The following PRSS23 variants were observed in gnomAD, a reference collection of about 807,000 sequenced individuals.
PRSS23 encodes the protein protease, serine 23.
In PRSS23, 25 loss-of-function variants were observed where a neutral mutation model predicts 34.7. The ratio of observed to expected loss-of-function variants is 0.72; its 90% CI spans 0.53 to 1.01. PRSS23 has a LOEUF of 1.01. PRSS23 is among the 50% of genes least tolerant of loss of function. PRSS23 has a pLI of 0.00. For synonymous variants in PRSS23, 176 were observed against 186.6 expected (o/e 0.94, Z 0.46); for missense variants, 445 against 475.6 (o/e 0.94, Z 0.60).
At chr11:86,847,414 G>T (rs971276184) in intron 2 of PRSS23, among the ~76,000 whole-genome samples, 2 of 152,220 alleles carry the variant, frequency 1.3e-5, no homozygotes, top group Non-Finnish European at 2.9e-5. Flanking sequence ...GTCAATGGGT[G>T]CATGGCAGGG....
At chr11:86,873,480 C>T (rs1948701674) in intron 2 of PRSS23, among the ~76,000 whole-genome samples, 1 of 151,428 alleles carries the variant, frequency 6.6e-6, no homozygotes, top group Non-Finnish European at 1.5e-5. Flanking sequence ...TCGGGGTTTT[C>T]CTATGTTGGC....
chr11:86,934,683 C>T (rs909597646), intron 2 of PRSS23: 2 of 152,210 alleles, frequency 1.3e-5, no homozygotes, highest in African/African-American at 4.8e-5. Context: ...AGGATGCCTT[C>T]AAGTTTTTGT....
intron 2 of PRSS23, among the ~76,000 whole-genome samples, chr11:86,918,833 C>T (rs139365689): frequency 8.5e-5 from 13 of 152,164 alleles, no homozygotes; most frequent in Non-Finnish European, 1.5e-4. Flanking sequence ...TTGTAATGAG[C>T]GCATATTAAT....
At chr11:86,868,272 T>C (rs550218295) in intron 2 of PRSS23, among the ~76,000 whole-genome samples, 3 of 152,148 alleles carry the variant, frequency 2.0e-5, no homozygotes, top group African/African-American at 4.8e-5. Flanking sequence ...CATGAGACTT[T>C]GGTGGGTTCC....
intron 2 of PRSS23, chr11:86,935,618 CA>C (rs1386496267): frequency 1.3e-5 from 2 of 152,150 alleles, no homozygotes; most frequent in African/African-American, 4.8e-5. Flanking sequence ...ACTGTTACCC[CA>C]AATGTTGTAA....
At chr11:86,871,554 T>C (rs923863252) in intron 2 of PRSS23, among the ~76,000 whole-genome samples, 1 of 152,234 alleles carries the variant, frequency 6.6e-6, no homozygotes, top group Non-Finnish European at 1.5e-5. Flanking sequence ...CCAAACTCTA[T>C]TTCTATTTCT....
rs138616419 is a variant in PRSS23 at position 86,844,705 on chromosome 11, C to T, written c.206+21112C>T. On this transcript the variant is annotated intron_variant, in intron 2 of 2. Transcript: ENST00000533902. ...CTAATCAATAGAATCATAGGACCCA[C>T]GTCATGACATAGAAACAAACAAGTG... 9.9e-5 allele frequency among the ~76,000 whole-genome samples: 15 copies of T among 152,278 alleles called. No homozygotes were observed. In the East Asian group the frequency reaches 2.3e-3, roughly 24 times the overall value.
At position 86,833,298 on chromosome 11, in the gene PRSS23, G is replaced by A. The variant is rs902181545; in HGVS notation, c.206+9705G>A. The A allele has an allele frequency of 1.1e-5, 17 of 1,505,364 alleles. No homozygotes were observed. In the African/African-American group the frequency reaches 1.7e-4, roughly 15 times the overall value. 93.3% of individuals were successfully genotyped at this position (1,505,364 alleles called of 1,614,324 possible). A position where few individuals can be genotyped will look rare whatever the true frequency, so the allele number is the denominator to read the frequency against. On this transcript the variant is annotated intron_variant, in intron 2 of 2. Coordinates refer to the PRSS23 transcript ENST00000533902. ...GGAAGAAGTACATGGGGGTGTGGAG[G>A]TGGAAGTCAGAGCTGACGGCCAGGA...
intron 2 of PRSS23, among the ~76,000 whole-genome samples, chr11:86,850,931 T>G (rs1948524185): frequency 1.3e-5 from 2 of 152,206 alleles, no homozygotes; most frequent in African/African-American, 4.8e-5. Context: ...TTAAAGAGTT[T>G]GAAAGGCAAT....
chr11:86,862,064 G>T (rs1298554569), intron 2 of PRSS23, among the ~76,000 whole-genome samples: 1 of 151,908 alleles, frequency 6.6e-6, no homozygotes, highest in Non-Finnish European at 1.5e-5. Context: ...ACATCTGGAA[G>T]GGAGAGGATA....
At chr11:86,795,355 T>G (rs1411770573) in intron 1 of PRSS23, among the ~76,000 whole-genome samples, 1 of 152,244 alleles carries the variant, frequency 6.6e-6, no homozygotes, top group Non-Finnish European at 1.5e-5. Context: ...TCAGTCTCAT[T>G]GTGCAGATGA....
At position 86,807,943 on chromosome 11, in the gene PRSS23, G is replaced by C. The variant is rs779361467; in HGVS notation, c.300G>C (p.Gln100His). ...CCAATGGCAGCCGCACAGAGACGCA[G>C]GTGGGCATCTACATCCTCAGCAGTA... ...LYANGSRTET[Q>H]VGIYILSSSG... The change falls in exon 2 of 2, where the codon CAG becomes CAC. Residue 100 changes from glutamine to histidine, a missense_variant. Physicochemically the swap from Gln to His is conservative, Grantham distance 24. Coordinates refer to ENST00000280258, the MANE Select transcript of PRSS23 (RefSeq NM_007173.6). The C allele has an allele frequency of 6.2e-7, 1 of 1,614,030 alleles. No individual in the cohort carries two copies. Among genetic ancestry groups the C allele is most frequent in the Admixed American group, 1.7e-5 (1 of 60,006 alleles).
At chr11:86,876,842 C>T (rs902282814) in intron 2 of PRSS23, among the ~76,000 whole-genome samples, 1 of 151,794 alleles carries the variant, frequency 6.6e-6, no homozygotes. Flanking sequence ...ATTAGAAAGA[C>T]AAGTGGGCCC....
chr11:86,943,110 A>G (rs1949217115), intron 2 of PRSS23, among the ~76,000 whole-genome samples: 1 of 152,246 alleles, frequency 6.6e-6, no homozygotes, highest in South Asian at 2.1e-4. Context: ...CAGAGCTCCC[A>G]TTGGGGGAAG....
intron 2 of PRSS23, among the ~76,000 whole-genome samples, chr11:86,861,217 G>A (rs773143349): frequency 1.7e-4 from 23 of 134,048 alleles, no homozygotes; most frequent in South Asian, 2.9e-4. Flanking sequence ...GATATGATCC[G>A]TAATATCCAG....
downstream of PRSS23, among the ~76,000 whole-genome samples, chr11:86,813,398 G>A (rs1444843980): frequency 1.3e-5 from 2 of 152,236 alleles, no homozygotes; most frequent in Non-Finnish European, 1.5e-5. Flanking sequence ...TTAAGAGACA[G>A]ATGGGGAAGA....
At chr11:86,840,823 A>T (rs1307524023) in intron 2 of PRSS23, among the ~76,000 whole-genome samples, 1 of 152,212 alleles carries the variant, frequency 6.6e-6, no homozygotes, top group Non-Finnish European at 1.5e-5. Flanking sequence ...AAACTGCACA[A>T]CTACATGGAA....
intron 2 of PRSS23, chr11:86,947,469 G>C (rs1949253935): frequency 6.6e-6 from 1 of 152,252 alleles, no homozygotes. Context: ...AGAGAGTATA[G>C]AGCTAAAAGG....
chr11:86,808,586 G>C lies in PRSS23; in HGVS notation c.943G>C (p.Ala315Pro). Residue 315 changes from alanine (A) to proline (P), a missense_variant, in exon 2 of 2, where the codon GCC becomes CCC. Transcript: ENST00000280258. ...CCAGCAATGCGATGCCCAGCCAGGG[G>C]CCAGCGGGTCTGGGGTCTATGTGAG... ...LYQQCDAQPG[A>P]SGSGVYVRMW... The C allele has an allele frequency of 6.2e-7, 1 of 1,614,204 alleles. No homozygotes were observed.
Sources: gnomAD v4.1 joint callset for allele counts (sites outside exome capture counted in the v4.1 genomes callset) on GRCh38, gnomAD v4.1.1 for gene constraint, MANE v1.5 for transcripts, NCBI Gene and HGNC (gene_info 2026-07-23, HGNC 2026-07-21) for gene names.